The following TLN1 variants were observed in gnomAD, a reference collection of about 807,000 sequenced individuals.
TLN1 encodes the protein talin 1, also known as talin-1.
A neutral mutation model predicts 292.3 loss-of-function variants in TLN1; 56 were observed. The observed-to-expected ratio is 0.19, with a 90% confidence interval of 0.15 to 0.24. The LOEUF (loss-of-function observed/expected upper bound fraction) is 0.24, where lower values mean the gene tolerates loss of function less well. TLN1 is among the 10% of genes least tolerant of loss of function. The pLI is 1.00. For missense variants in TLN1, 2,433 were observed against 3,248.2 expected (o/e 0.75, Z 6.10); for synonymous variants, 1,119 against 1,253.7 (o/e 0.89, Z 2.27).
rs1363484798 is a variant in TLN1, at chr9:35,697,637, G to A, written c.*154C>T. 3.6e-6 allele frequency: 4 copies of A among 1,122,944 alleles called. No individual in the cohort carries two copies. The highest frequency in any genetic ancestry group is 3.1e-5 in the African/African-American group (2 of 63,808). 69.6% of individuals were successfully genotyped at this position (1,122,944 alleles called of 1,614,324 possible). A position where few individuals can be genotyped will look rare whatever the true frequency, so the allele number is the denominator to read the frequency against. On this transcript the variant is annotated 3_prime_UTR_variant, in exon 57 of 57. Coordinates refer to ENST00000314888, the MANE Select transcript of TLN1 (RefSeq NM_006289.4). ...TGGGGTTGGGGAGGGGACAGGGGATGTACTGCGGGACTGGGCGGGGCCAGG... is the reference window on the plus strand; with the variant it reads ...TGGGGTTGGGGAGGGGACAGGGGATATACTGCGGGACTGGGCGGGGCCAGG...
rs375675762 is a variant in TLN1 at position 35,722,152 on chromosome 9, G to C, written c.915C>G (p.Leu305=). The change falls in exon 9 of 57, where the codon CTC becomes CTG. Residue 305 remains leucine (L), a synonymous_variant. Coordinates refer to ENST00000314888, the MANE Select transcript of TLN1 (RefSeq NM_006289.4). ...KVRYVKLARS[L]KTYGVSFFLV... is the part of the protein sequence containing the mutation. ...GGAAGAAGGAGACACCGTAAGTCTT[G>C]AGAGAACGGGCTAGCTTCACGTAGC... is the stretch of plus-strand genomic sequence containing the variant. 7 of 1,614,226 alleles carry C rather than the reference G, an allele frequency of 4.3e-6. No individual in the cohort carries two copies. Among genetic ancestry groups the C allele is most frequent in the South Asian group, 2.2e-5 (2 of 91,090 alleles).
At position 35,707,809 on chromosome 9, in the gene TLN1, A is replaced by G; in HGVS notation, c.4554T>C (p.Asn1518=). 6.2e-7 allele frequency: 1 copy of G among 1,614,136 alleles called. No homozygotes were observed. The highest frequency in any genetic ancestry group is 8.5e-7 in the Non-Finnish European group (1 of 1,180,030). ...SCRLASARTT[N]PTAKRQFVQS... is the part of the protein sequence containing the mutation. ...GTACAAACTGGCGCTTGGCAGTAGGATTGGTGGTACGGGCAGAAGCCAGGC... is the reference window on the plus strand; with the variant it reads ...GTACAAACTGGCGCTTGGCAGTAGGGTTGGTGGTACGGGCAGAAGCCAGGC... Residue 1518 remains asparagine, a synonymous_variant, in exon 35 of 57, where the codon AAT becomes AAC. Transcript: ENST00000314888. This position sits in a 1 kb window ranked among gnomAD's most constrained non-coding sequence, Gnocchi z 5.6.
intron 19 of TLN1, 144 bp from the exon 20 acceptor site, chr9:35,716,700 A>G: frequency 1.1e-6 from 1 of 877,988 alleles, no homozygotes; most frequent in South Asian, 1.9e-5. Context: ...CTCTTGCATC[A>G]TTTCTTTGGG....
At chr9:35,702,545 T>A (rs1021943520) in intron 48 of TLN1, among the ~76,000 whole-genome samples, 1 of 151,948 alleles carries the variant, frequency 6.6e-6, no homozygotes, top group Non-Finnish European at 1.5e-5. Flanking sequence ...CAGGCTGGAG[T>A]GCAGTGGCGC....
chr9:35,698,768 G>A lies in TLN1; in HGVS notation c.7125+40C>T, dbSNP rs746139253. The A allele has an allele frequency of 6.2e-7, 1 of 1,613,726 alleles. No individual in the cohort carries two copies. The highest frequency in any genetic ancestry group is 1.1e-5 in the South Asian group (1 of 91,068). On this transcript the variant is annotated intron_variant, in intron 53 of 56. Coordinates refer to ENST00000314888, the MANE Select transcript of TLN1 (RefSeq NM_006289.4). The surrounding 1 kb of genome is among the most constrained non-coding windows in gnomAD (Gnocchi z 5.3). ...TGGATGTGGATGTGGACATCAAAGT[G>A]CCAACCTGTCCCCATTCTTCTGGGT...
intron 7 of TLN1, 58 bp from the exon 8 acceptor site, chr9:35,722,979 C>G: frequency 3.9e-6 from 6 of 1,529,190 alleles, no homozygotes; most frequent in Non-Finnish European, 5.4e-6. Context: ...ACATGTGGGC[C>G]ATGAACTGTG....
intron 49 of TLN1, 24 bp downstream of exon 49, chr9:35,700,167 C>T (rs551759488): frequency 2.5e-5 from 40 of 1,592,436 alleles, no homozygotes; most frequent in Middle Eastern, 3.3e-4. Context: ...AGCTGCCTCA[C>T]GGAAATGCCT....
intron 56 of TLN1, 45 bp from the exon 57 acceptor site, chr9:35,697,961 A>C: frequency 1.2e-6 from 2 of 1,613,958 alleles, no homozygotes; most frequent in Non-Finnish European, 1.7e-6. Flanking sequence ...GATGCACAGC[A>C]GGGGCATAGG....
At position 35,706,271 on chromosome 9, in the gene TLN1, C is replaced by T; in HGVS notation, c.5286G>A (p.Leu1762=). Residue 1762 remains leucine, a synonymous_variant, in exon 40 of 57, where the codon CTG becomes CTA. Coordinates refer to ENST00000314888, the MANE Select transcript of TLN1 (RefSeq NM_006289.4). This position sits in a 1 kb window ranked among gnomAD's most constrained non-coding sequence, Gnocchi z 4.2. ...ACTCTGCCAATGTTTTAGTCTGGTC[C>T]AGGAGTGCCATCTGCTGCGGGTGGC... ...TLSHPQQMAL[L]DQTKTLAESA... is the part of the protein sequence containing the mutation. The T allele has an allele frequency of 1.2e-6, 2 of 1,613,838 alleles. No homozygotes were observed. The highest frequency in any genetic ancestry group is 2.2e-5 in the South Asian group (2 of 91,026).
In TLN1 at chr9:35,715,191, A is replaced by G. The variant is rs763702439; in HGVS notation, c.2626-4T>C. On this transcript the variant is annotated splice_region_variant and splice_polypyrimidine_tract_variant and intron_variant, in intron 20 of 56. Transcript: ENST00000314888. ...TGTCAGGGTGGGCAGCTGCTCCCTG[A>G]GGGAGAGGTGGAAAGACAGTCATCA... 2 of 1,608,744 alleles carry G rather than the reference A, an allele frequency of 1.2e-6. No individual in the cohort carries two copies. Among genetic ancestry groups the G allele is most frequent in the South Asian group, 2.2e-5 (2 of 91,044 alleles).
chr9:35,700,828 T>A (rs35656035), intron 48 of TLN1, among the ~76,000 whole-genome samples: 2 of 152,150 alleles, frequency 1.3e-5, no homozygotes, highest in East Asian at 3.9e-4. Context: ...AGTCATAAAA[T>A]ATTTTGATGT....
chr9:35,725,036 A>T, intron 3 of TLN1, 77 bp from the exon 4 acceptor site: 3 of 1,601,482 alleles, frequency 1.9e-6, no homozygotes, highest in Non-Finnish European at 2.6e-6. Context: ...GCCCGAGGGG[A>T]GAGAGTGGAG....
rs764580021 is a variant in TLN1 at position 35,724,568 on chromosome 9, T to G, written c.511+4A>C. 5.0e-6 allele frequency: 8 copies of G among 1,613,336 alleles called. No individual in the cohort carries two copies. The African/African-American group carries it at 1.1e-4, about 22-fold the overall frequency. ...AAAGCCCTCTTTTTTCTAGTTCTGCTTACACTCATCATCTGTGTGCAATTT... is the reference window on the plus strand; with the variant it reads ...AAAGCCCTCTTTTTTCTAGTTCTGCGTACACTCATCATCTGTGTGCAATTT... On this transcript the variant is annotated splice_donor_region_variant and intron_variant, in intron 5 of 56. Transcript: ENST00000314888. The surrounding 1 kb of genome is among the most constrained non-coding windows in gnomAD (Gnocchi z 4.7).
intron 1 of TLN1, among the ~76,000 whole-genome samples, chr9:35,730,647 G>C (rs1459787887): frequency 6.6e-6 from 1 of 152,080 alleles, no homozygotes; most frequent in East Asian, 1.9e-4. Flanking sequence ...ATTAAAGGTT[G>C]GTGAGGGAGG....
At position 35,707,678 on chromosome 9, in the gene TLN1, G is replaced by A; in HGVS notation, c.4632+53C>T. 3 of 1,610,406 alleles carry A rather than the reference G, an allele frequency of 1.9e-6. No individual in the cohort carries two copies. The highest frequency in any genetic ancestry group is 2.5e-6 in the Non-Finnish European group (3 of 1,177,104). ...CTTCAGAGAATAACTGGGGGACTCG[G>A]GGGAGAAGATAGGACAGGTCAGGGA... On this transcript the variant is annotated intron_variant, in intron 35 of 56. Coordinates refer to ENST00000314888, the MANE Select transcript of TLN1 (RefSeq NM_006289.4). The surrounding 1 kb of genome is among the most constrained non-coding windows in gnomAD (Gnocchi z 5.6).
chr9:35,706,760 CCT>C lies in TLN1; in HGVS notation c.5088+6_5088+7del. Reference sequence around the variant, plus strand: ...ACACATCTTTCCATATAACCCTCTCCCTCTCACCTCTTGAGAGATTCCCTCAC... The same window carrying C: ...ACACATCTTTCCATATAACCCTCTCCCTCACCTCTTGAGAGATTCCCTCAC... On this transcript the variant is annotated splice_donor_region_variant and intron_variant, in intron 38 of 56. Coordinates refer to ENST00000314888, the MANE Select transcript of TLN1 (RefSeq NM_006289.4). The surrounding 1 kb of genome is among the most constrained non-coding windows in gnomAD (Gnocchi z 4.2). The C allele has an allele frequency of 6.2e-7, 1 of 1,613,240 alleles. No homozygotes were observed. The highest frequency in any genetic ancestry group is 1.7e-4 in the Middle Eastern group (1 of 6,058).
intron 48 of TLN1, 47 bp from the exon 49 acceptor site, chr9:35,700,423 T>C: frequency 1.3e-6 from 2 of 1,558,614 alleles, no homozygotes; most frequent in Non-Finnish European, 1.8e-6. Flanking sequence ...GCTGAGACTA[T>C]GAGACAGCGT....
At chr9:35,729,798 G>A (rs562038202) in intron 1 of TLN1, among the ~76,000 whole-genome samples, 1 of 152,278 alleles carries the variant, frequency 6.6e-6, no homozygotes, top group Non-Finnish European at 1.5e-5. Flanking sequence ...ATTGGGAAGA[G>A]GGGAAAGGAT....
Position 35,706,259 on chromosome 9 carries a change from T to C in TLN1, c.5298A>G (p.Lys1766=). 1 of 1,613,634 alleles carries C rather than the reference T, an allele frequency of 6.2e-7. No homozygotes were observed. Among genetic ancestry groups the C allele is most frequent in the South Asian group, 1.1e-5 (1 of 90,992 alleles). The change falls in exon 40 of 57, where the codon AAA becomes AAG. Residue 1766 remains lysine (K), a synonymous_variant. Coordinates refer to ENST00000314888, the MANE Select transcript of TLN1 (RefSeq NM_006289.4). The surrounding 1 kb of genome is among the most constrained non-coding windows in gnomAD (Gnocchi z 4.2). ...PQQMALLDQT[K]TLAESALQLL... ...ACTGCAGGGCAGACTCTGCCAATGT[T>C]TTAGTCTGGTCCAGGAGTGCCATCT...
Sources: gnomAD v4.1 joint callset for allele counts (sites outside exome capture counted in the v4.1 genomes callset) on GRCh38, gnomAD v4.1.1 for gene constraint, Gnocchi (gnomAD v3.1) non-coding constraint, MANE v1.5 for transcripts, NCBI Gene and HGNC (gene_info 2026-07-23, HGNC 2026-07-21) for gene names.